The following THSD7B variants were observed in gnomAD, a reference collection of about 807,000 sequenced individuals.
The protein encoded by THSD7B is thrombospondin type 1 domain containing 7B.
Under a neutral mutation model 213.6 loss-of-function variants are expected in THSD7B, and 138 were observed. That is an observed-to-expected ratio of 0.65 (90% CI 0.56 to 0.74). The LOEUF (loss-of-function observed/expected upper bound fraction) is 0.74, where lower values mean the gene tolerates loss of function less well. Among genes scored for constraint, THSD7B ranks in the 30% least tolerant of loss-of-function variants. The probability of loss-of-function intolerance (pLI) is 0.00; values close to 1 mark genes in which losing one functional copy is unlikely to be tolerated. For synonymous variants in THSD7B, 742 were observed against 687.0 expected (o/e 1.08, Z -1.25); for missense variants, 1,931 against 1,991.5 (o/e 0.97, Z 0.58).
intron 1 of THSD7B, among the ~76,000 whole-genome samples, chr2:136,787,720 C>A (rs572784464): frequency 2.0e-5 from 3 of 151,912 alleles, no homozygotes; most frequent in African/African-American, 4.8e-5. Flanking sequence ...TACTGCTATC[C>A]CTTGTTCCAG....
intron 2 of THSD7B, among the ~76,000 whole-genome samples, chr2:136,945,002 G>A (rs1684909325): frequency 6.6e-6 from 1 of 152,098 alleles, no homozygotes; most frequent in Admixed American, 6.6e-5. Context: ...TTTACAATTT[G>A]GCATGTTTTT....
At chr2:137,440,895 T>C (rs1283351482) in intron 14 of THSD7B, among the ~76,000 whole-genome samples, 2 of 152,080 alleles carry the variant, frequency 1.3e-5, no homozygotes, top group Admixed American at 6.6e-5. Flanking sequence ...CTGAATCCCA[T>C]GAGACACATA....
chr2:137,113,432 T>G (rs889124451), intron 4 of THSD7B, among the ~76,000 whole-genome samples: 3 of 152,096 alleles, frequency 2.0e-5, no homozygotes, highest in Non-Finnish European at 2.9e-5. Flanking sequence ...GTGTGTGTGT[T>G]TTTTTTGTTT....
chr2:136,969,555 C>A (rs776848399), intron 2 of THSD7B, among the ~76,000 whole-genome samples: 11 of 152,146 alleles, frequency 7.2e-5, no homozygotes, highest in Non-Finnish European at 1.6e-4. Context: ...ATGTATTTTC[C>A]TTTTCAAAGA....
chr2:137,652,693 G>A (rs969833865), intron 21 of THSD7B, among the ~76,000 whole-genome samples: 17 of 151,800 alleles, frequency 1.1e-4, no homozygotes, highest in Non-Finnish European at 1.9e-4. Flanking sequence ...AATTTGTTGC[G>A]TTTTACTTCT....
chr2:137,372,317 A>G (rs1685549989), intron 12 of THSD7B, among the ~76,000 whole-genome samples: 2 of 136,010 alleles, frequency 1.5e-5, no homozygotes, highest in South Asian at 4.8e-4. Context: ...AGAGTCTGAT[A>G]ATACTCTTTT....
chr2:136,945,984 G>T (rs533568485), intron 2 of THSD7B, among the ~76,000 whole-genome samples: 1 of 152,078 alleles, frequency 6.6e-6, no homozygotes, highest in Non-Finnish European at 1.5e-5. Context: ...GTCATTCTCC[G>T]TCCAGCTTTG....
intron 16 of THSD7B, among the ~76,000 whole-genome samples, chr2:137,563,607 A>T (rs1021046544): frequency 2.6e-5 from 4 of 152,156 alleles, no homozygotes; most frequent in South Asian, 2.1e-4. Context: ...ACCACCTGCA[A>T]TGGAGCAGGC....
intron 26 of THSD7B, among the ~76,000 whole-genome samples, chr2:137,667,344 T>G (rs1428766992): frequency 6.6e-6 from 1 of 152,162 alleles, no homozygotes; most frequent in African/African-American, 2.4e-5. Context: ...TGTCTCAGAA[T>G]TCAGAAGAAA....
chr2:136,773,783 T>G (rs2104900348), intron 1 of THSD7B, among the ~76,000 whole-genome samples: 1 of 152,184 alleles, frequency 6.6e-6, no homozygotes, highest in East Asian at 1.9e-4. Context: ...CATACCAGAC[T>G]ACATAGTAGA....
intron 12 of THSD7B, among the ~76,000 whole-genome samples, chr2:137,358,173 G>C (rs188315944): frequency 6.6e-6 from 1 of 152,282 alleles, no homozygotes; most frequent in Admixed American, 6.5e-5. Flanking sequence ...TGGAAGACTA[G>C]TCAGTTTTGT....
At chr2:136,780,024 A>G (rs770266468) in intron 1 of THSD7B, among the ~76,000 whole-genome samples, 2 of 152,062 alleles carry the variant, frequency 1.3e-5, no homozygotes, top group Non-Finnish European at 2.9e-5. Flanking sequence ...TCCACCACAG[A>G]TGAGGTGATT....
At chr2:137,111,959 A>T (rs996499411) in intron 4 of THSD7B, among the ~76,000 whole-genome samples, 1 of 152,140 alleles carries the variant, frequency 6.6e-6, no homozygotes, top group Non-Finnish European at 1.5e-5. Context: ...CAGAGTTGGG[A>T]GATGGGAGGT....
At chr2:137,550,312 C>A (rs142235397) in intron 15 of THSD7B, among the ~76,000 whole-genome samples, 2 of 151,962 alleles carry the variant, frequency 1.3e-5, no homozygotes, top group African/African-American at 2.4e-5. Flanking sequence ...GAATATCATG[C>A]GCTTTATAGG....
At chr2:137,177,985 C>G (rs546543562) in intron 7 of THSD7B, among the ~76,000 whole-genome samples, 1 of 150,378 alleles carries the variant, frequency 6.6e-6, no homozygotes, top group African/African-American at 2.4e-5. Flanking sequence ...ACAGGAGAAT[C>G]GCTTGAACCT....
chr2:137,546,365 TA>T lies in THSD7B; in HGVS notation c.3139-16855del, dbSNP rs1382468276. 3.4e-4 allele frequency among the ~76,000 whole-genome samples: 15 copies of T among 43,528 alleles called. 2 individuals are homozygous for T. Among genetic ancestry groups the T allele is most frequent in the South Asian group, 1.8e-3 (3 of 1,636 alleles). The allele number at this position is 43,528 out of a possible 152,430, so 28.6% of individuals were successfully genotyped here. Reference sequence around the variant, plus strand: ...TTGAAGTCAGCATATATATATATTATATATATATATAATATATATATTATAT... The same window carrying T: ...TTGAAGTCAGCATATATATATATTATTATATATATAATATATATATTATAT... On this transcript the variant is annotated intron_variant, in intron 15 of 27. Transcript: ENST00000409968.
At chr2:137,672,732 A>G (rs1408795686) in intron 27 of THSD7B, among the ~76,000 whole-genome samples, 1 of 152,208 alleles carries the variant, frequency 6.6e-6, no homozygotes, top group East Asian at 1.9e-4. Flanking sequence ...TGTATACTTC[A>G]GATGAAAGCA....
At chr2:137,332,095 A>G (rs935304687) in intron 12 of THSD7B, among the ~76,000 whole-genome samples, 15 of 152,232 alleles carry the variant, frequency 9.9e-5, no homozygotes, top group Non-Finnish European at 1.9e-4. Context: ...AAGTGCCGCC[A>G]AAGTGGAAGC....
At chr2:137,523,549 A>G (rs1680225095) in intron 15 of THSD7B, among the ~76,000 whole-genome samples, 1 of 152,222 alleles carries the variant, frequency 6.6e-6, no homozygotes, top group African/African-American at 2.4e-5. Context: ...TTCAAGAGCA[A>G]TTTGAGAAAC....
Sources: gnomAD v4.1 joint callset for allele counts (sites outside exome capture counted in the v4.1 genomes callset) on GRCh38, gnomAD v4.1.1 for gene constraint, MANE v1.5 for transcripts, NCBI Gene and HGNC (gene_info 2026-07-23, HGNC 2026-07-21) for gene names.